Variants in LRMDA observed in about 807,000 individuals in gnomAD.
LRMDA encodes leucine rich melanocyte differentiation associated.
LRMDA carries 18 observed loss-of-function variants against 29.8 expected under a neutral mutation model. The observed-to-expected ratio is 0.60, with a 90% CI of 0.42 to 0.90. The LOEUF is 0.90. Ranked by LOEUF, LRMDA falls within the 40% of genes least tolerant of loss-of-function variation. The probability of loss-of-function intolerance (pLI) is 0.00; values close to 1 mark genes in which losing one functional copy is unlikely to be tolerated. For missense variants in LRMDA, 273 were observed against 273.9 expected (o/e 1.00, Z 0.02); for synonymous variants, 125 against 109.4 (o/e 1.14, Z -0.89).
At chr10:75,761,308 A>AAAC (rs557088397) in intron 2 of LRMDA, among the ~76,000 whole-genome samples, 31 of 152,340 alleles carry the variant, frequency 2.0e-4, no homozygotes, top group African/African-American at 7.2e-4. Flanking sequence ...ATGAATGGAT[A>AAAC]AACAAAATAT....
At chr10:75,713,221 A>C (rs1321498334) in intron 2 of LRMDA, among the ~76,000 whole-genome samples, 1 of 152,220 alleles carries the variant, frequency 6.6e-6, no homozygotes, top group Non-Finnish European at 1.5e-5. Context: ...TAGGCAAAGA[A>C]AGAATTAATT....
chr10:76,536,728 C>T (rs1204127839), intron 6 of LRMDA, among the ~76,000 whole-genome samples: 1 of 152,138 alleles, frequency 6.6e-6, no homozygotes, highest in Admixed American at 6.5e-5. Flanking sequence ...TTTTCCCCTT[C>T]TTAGTGATGC....
chr10:75,539,398 G>T (rs1839988883), intron 2 of LRMDA, among the ~76,000 whole-genome samples: 2 of 152,280 alleles, frequency 1.3e-5, no homozygotes, highest in Admixed American at 1.3e-4. Flanking sequence ...ATTTTAAGAT[G>T]AATTACATGA....
intron 5 of LRMDA, among the ~76,000 whole-genome samples, chr10:76,264,814 T>C (rs993851688): frequency 1.3e-5 from 2 of 152,218 alleles, no homozygotes; most frequent in Non-Finnish European, 2.9e-5. Flanking sequence ...TCATGCCCCA[T>C]GCTTAACCTT....
chr10:75,744,970 A>G (rs1483263673), intron 2 of LRMDA, among the ~76,000 whole-genome samples: 1 of 152,150 alleles, frequency 6.6e-6, no homozygotes, highest in Non-Finnish European at 1.5e-5. Context: ...GGCACAGGCA[A>G]GTCTCTCTCC....
At chr10:76,268,137 G>A (rs1242755467) in intron 5 of LRMDA, among the ~76,000 whole-genome samples, 1 of 152,140 alleles carries the variant, frequency 6.6e-6, no homozygotes, top group African/African-American at 2.4e-5. Context: ...AAGAGGAGAG[G>A]AATTGTAACA....
chr10:76,439,929 T>C (rs1037934083), intron 6 of LRMDA, among the ~76,000 whole-genome samples: 4 of 152,192 alleles, frequency 2.6e-5, no homozygotes, highest in African/African-American at 7.2e-5. Context: ...CTGTAGGGTA[T>C]AGAACGACCC....
chr10:76,415,019 A>G (rs1008739452), intron 6 of LRMDA, among the ~76,000 whole-genome samples: 3 of 152,262 alleles, frequency 2.0e-5, no homozygotes, highest in African/African-American at 7.2e-5. Flanking sequence ...GACATGTGGC[A>G]TCCGCCACAA....
intron 2 of LRMDA, among the ~76,000 whole-genome samples, chr10:75,726,761 CA>C (rs1842636035): frequency 6.6e-6 from 1 of 152,218 alleles, no homozygotes; most frequent in South Asian, 2.1e-4. Flanking sequence ...ATAAGCCGGC[CA>C]TGGCTAGGAA....
chr10:76,341,447 T>C (rs1841040425), intron 6 of LRMDA, among the ~76,000 whole-genome samples: 1 of 152,092 alleles, frequency 6.6e-6, no homozygotes, highest in East Asian at 1.9e-4. Context: ...TTAAAACATA[T>C]CAAACTCTGT....
At chr10:76,145,542 T>G (rs956784247) in intron 5 of LRMDA, among the ~76,000 whole-genome samples, 18 of 148,112 alleles carry the variant, frequency 1.2e-4, no homozygotes, top group Non-Finnish European at 1.8e-4. Flanking sequence ...TGATATCCCC[T>G]TTGTCATTTT....
chr10:75,803,906 C>A (rs147833049), intron 2 of LRMDA, among the ~76,000 whole-genome samples: 1 of 152,208 alleles, frequency 6.6e-6, no homozygotes, highest in African/African-American at 2.4e-5. Context: ...CCTCCCGCTC[C>A]GTCCTGGTCT....
chr10:76,555,490 G>C (rs1216621745), intron 6 of LRMDA, among the ~76,000 whole-genome samples: 1 of 152,140 alleles, frequency 6.6e-6, no homozygotes, highest in Non-Finnish European at 1.5e-5. Context: ...GGCCAGCTTT[G>C]AGGCCGTGGA....
intron 5 of LRMDA, among the ~76,000 whole-genome samples, chr10:76,077,821 G>A (rs1274674776): frequency 1.3e-5 from 2 of 151,788 alleles, no homozygotes; most frequent in Non-Finnish European, 2.9e-5. Flanking sequence ...CCTCAAGATT[G>A]GGGCATTTTC....
At chr10:76,462,079 A>AAAC (rs760147238) in intron 6 of LRMDA, among the ~76,000 whole-genome samples, 4 of 138,176 alleles carry the variant, frequency 2.9e-5, no homozygotes, top group South Asian at 4.5e-4. Context: ...AAAAAAAACC[A>AAAC]CACACACACA....
chr10:76,151,470 T>G (rs1392397418), intron 5 of LRMDA, among the ~76,000 whole-genome samples: 1 of 152,210 alleles, frequency 6.6e-6, no homozygotes, highest in East Asian at 1.9e-4. Context: ...CTTGTCTGTT[T>G]GATACTAGAA....
At chr10:75,618,382 C>CTCTCTCTCTA (rs1338091170) in intron 2 of LRMDA, among the ~76,000 whole-genome samples, 10 of 77,036 alleles carry the variant, frequency 1.3e-4, no homozygotes, top group African/African-American at 3.3e-4. Flanking sequence ...CTCTCTCTCT[C>CTCTCTCTCTA]TATATATATA....
intron 2 of LRMDA, among the ~76,000 whole-genome samples, chr10:75,981,584 T>A (rs550698033): frequency 6.6e-6 from 1 of 152,188 alleles, no homozygotes; most frequent in African/African-American, 2.4e-5. Context: ...CCGGGCACGG[T>A]GGCTCATGCC....
intron 2 of LRMDA, among the ~76,000 whole-genome samples, chr10:75,787,724 T>C (rs142826766): frequency 2.0e-5 from 3 of 152,332 alleles, no homozygotes; most frequent in African/African-American, 7.2e-5. Flanking sequence ...TTTTAAGTAG[T>C]GTGTAATAGA....
Sources: gnomAD v4.1 joint callset for allele counts (sites outside exome capture counted in the v4.1 genomes callset) on GRCh38, gnomAD v4.1.1 for gene constraint, MANE v1.5 for transcripts, NCBI Gene and HGNC (gene_info 2026-07-23, HGNC 2026-07-21) for gene names.